The following ARHGAP42 variants were observed in gnomAD, a reference collection of about 807,000 sequenced individuals.
ARHGAP42 encodes Rho GTPase activating protein 42, also known as rho GTPase-activating protein 42.
ARHGAP42 carries 63 observed loss-of-function variants against 125.0 expected under a neutral mutation model. The observed-to-expected ratio is 0.50, with a 90% confidence interval of 0.41 to 0.62. ARHGAP42 has a LOEUF of 0.62. Ranked by LOEUF, ARHGAP42 falls within the 20% of genes least tolerant of loss-of-function variation. ARHGAP42 has a pLI of 0.00. For missense variants in ARHGAP42, 766 were observed against 1,024.2 expected (o/e 0.75, Z 3.44); for synonymous variants, 339 against 351.0 (o/e 0.97, Z 0.38).
chr11:100,690,802 G>T (rs140400374), intron 1 of ARHGAP42, among the ~76,000 whole-genome samples: 3 of 151,802 alleles, frequency 2.0e-5, no homozygotes, highest in Admixed American at 6.6e-5. Context: ...GGGTTTCACC[G>T]TGTTAGCCAG....
chr11:100,687,460 C>T lies in ARHGAP42; in HGVS notation c.-219C>T, dbSNP rs1861101739. Among the ~76,000 whole-genome samples, 1 of 151,952 alleles carries T rather than the reference C, an allele frequency of 6.6e-6. No individual in the cohort carries two copies. Among genetic ancestry groups the T allele is most frequent in the Non-Finnish European group, 1.5e-5 (1 of 67,940 alleles). On this transcript the variant is annotated 5_prime_UTR_variant, in exon 1 of 24. Coordinates refer to ENST00000298815, the MANE Select transcript of ARHGAP42 (RefSeq NM_152432.4). The stretch of plus-strand genomic sequence containing the variant: ...TGAGGGGACTCGCGCCTCGGCCCGC[C>T]GCCCGCGCCTGCGCTCGCCTAGCCT...
intron 4 of ARHGAP42, among the ~76,000 whole-genome samples, chr11:100,879,426 C>A (rs914477048): frequency 6.6e-6 from 1 of 152,200 alleles, no homozygotes; most frequent in Non-Finnish European, 1.5e-5. Context: ...TACCACCCAT[C>A]TTCTCTAGCT....
intron 1 of ARHGAP42, among the ~76,000 whole-genome samples, chr11:100,701,275 T>C (rs1591115267): frequency 2.0e-5 from 3 of 152,158 alleles, no homozygotes; most frequent in Admixed American, 6.5e-5. Context: ...AGCATGCTTC[T>C]TAAGGAGTCT....
intron 3 of ARHGAP42, among the ~76,000 whole-genome samples, chr11:100,817,061 C>T (rs1293236763): frequency 6.6e-6 from 1 of 152,200 alleles, no homozygotes; most frequent in Non-Finnish European, 1.5e-5. Context: ...AGGTGGGGAC[C>T]TGAAGACTGA....
At chr11:100,691,114 A>G (rs879493180) in intron 1 of ARHGAP42, among the ~76,000 whole-genome samples, 2 of 152,168 alleles carry the variant, frequency 1.3e-5, no homozygotes, top group Non-Finnish European at 2.9e-5. Context: ...TCATTTTGTT[A>G]TATGCCACAT....
At chr11:100,778,905 C>T (rs907521768) in intron 2 of ARHGAP42, among the ~76,000 whole-genome samples, 1 of 152,034 alleles carries the variant, frequency 6.6e-6, no homozygotes, top group South Asian at 2.1e-4. Flanking sequence ...CTTTGTTCTG[C>T]CCAACAAAAA....
intron 1 of ARHGAP42, 62 bp downstream of exon 1, chr11:100,687,894 C>G (rs1861112639): frequency 6.8e-7 from 1 of 1,473,454 alleles, no homozygotes; most frequent in Admixed American, 2.1e-5. Context: ...GGGTGCGGGT[C>G]CGAAGGGTGG....
intron 22 of ARHGAP42, among the ~76,000 whole-genome samples, chr11:100,985,721 A>G (rs1421805148): frequency 6.6e-6 from 1 of 152,172 alleles, no homozygotes; most frequent in African/African-American, 2.4e-5. Context: ...AAGCTTTCTG[A>G]AAGTACAGCC....
intron 3 of ARHGAP42, among the ~76,000 whole-genome samples, chr11:100,837,666 C>CTTTTTTTTTTTTTTTTTTTTTTTTTTT (rs373059302): frequency 1.1e-4 from 7 of 61,056 alleles, no homozygotes; most frequent in African/African-American, 4.2e-4. Context: ...AGGTGTCATC[C>CTTTTTTTTTTTTTTTTTTTTTTTTTTT]TTTTTTTTTT....
At chr11:100,917,172 A>G (rs576205699) in intron 5 of ARHGAP42, among the ~76,000 whole-genome samples, 1 of 152,130 alleles carries the variant, frequency 6.6e-6, no homozygotes, top group Non-Finnish European at 1.5e-5. Flanking sequence ...ATAATTAAGA[A>G]AAAAGTAAAG....
intron 3 of ARHGAP42, among the ~76,000 whole-genome samples, chr11:100,814,643 A>G (rs1334518811): frequency 3.3e-5 from 5 of 152,186 alleles, no homozygotes; most frequent in Admixed American, 2.0e-4. Flanking sequence ...AAGTAGGAAC[A>G]TCTTACATGG....
chr11:100,953,041 G>C (rs1158314891), intron 12 of ARHGAP42, among the ~76,000 whole-genome samples: 1 of 152,122 alleles, frequency 6.6e-6, no homozygotes, highest in African/African-American at 2.4e-5. Context: ...AGTCATGTGA[G>C]CTCATTGTGT....
chr11:100,738,184 C>G (rs1862106803), intron 1 of ARHGAP42, among the ~76,000 whole-genome samples: 1 of 152,258 alleles, frequency 6.6e-6, no homozygotes, highest in African/African-American at 2.4e-5. Context: ...TTATAGCTGT[C>G]AAATACTGAC....
In ARHGAP42 at chr11:100,838,685, C is replaced by T. The variant is rs558516618; in HGVS notation, c.313-20869C>T. Among the ~76,000 whole-genome samples the T allele has an allele frequency of 9.9e-5, 15 of 151,170 alleles. No homozygotes were observed. The South Asian group carries it at 1.7e-3, about 17-fold the overall frequency. On this transcript the variant is annotated intron_variant, in intron 3 of 23. Transcript: ENST00000298815. ...TTTGGCCTGGGTAACAGAGCAAGAC[C>T]GTATCTCAAAAACAAAACAAAATAA...
At chr11:100,932,772 T>C (rs1364533513) in intron 6 of ARHGAP42, among the ~76,000 whole-genome samples, 1 of 152,220 alleles carries the variant, frequency 6.6e-6, no homozygotes, top group African/African-American at 2.4e-5. Context: ...TTTACTGGTT[T>C]GGTCTTCCTT....
intron 1 of ARHGAP42, among the ~76,000 whole-genome samples, chr11:100,703,936 C>T (rs1861438094): frequency 6.6e-6 from 1 of 152,136 alleles, no homozygotes. Flanking sequence ...CTAGGTGTCT[C>T]TTATGATACA....
At chr11:100,844,757 A>G (rs1865022776) in intron 3 of ARHGAP42, among the ~76,000 whole-genome samples, 1 of 152,026 alleles carries the variant, frequency 6.6e-6, no homozygotes, top group Non-Finnish European at 1.5e-5. Flanking sequence ...CACCTTCTGC[A>G]AGAATGGCCA....
At chr11:100,706,244 C>T (rs779245122) in intron 1 of ARHGAP42, among the ~76,000 whole-genome samples, 52 of 152,144 alleles carry the variant, frequency 3.4e-4, no homozygotes, top group Non-Finnish European at 5.6e-4. Context: ...GATTACTTCC[C>T]TGTTTCTCTC....
At chr11:100,897,575 C>G (rs1339760566) in intron 4 of ARHGAP42, among the ~76,000 whole-genome samples, 1 of 152,074 alleles carries the variant, frequency 6.6e-6, no homozygotes, top group Non-Finnish European at 1.5e-5. Context: ...AAGTTGGATT[C>G]CTAGGTATTT....
Sources: gnomAD v4.1 joint callset for allele counts (sites outside exome capture counted in the v4.1 genomes callset) on GRCh38, gnomAD v4.1.1 for gene constraint, MANE v1.5 for transcripts, NCBI Gene and HGNC (gene_info 2026-07-23, HGNC 2026-07-21) for gene names.